Variants in CTNNA2 observed in about 807,000 individuals in gnomAD.
The protein encoded by CTNNA2 is catenin alpha 2, also known as catenin alpha-2.
Under a neutral mutation model 101.0 loss-of-function variants are expected in CTNNA2, and 42 were observed. The ratio of observed to expected loss-of-function variants is 0.42; its 90% CI spans 0.32 to 0.54. CTNNA2 has a LOEUF of 0.54. Ranked by LOEUF, CTNNA2 falls within the 20% of genes least tolerant of loss-of-function variation. The probability of loss-of-function intolerance (pLI) is 0.14; values close to 1 mark genes in which losing one functional copy is unlikely to be tolerated. For missense variants in CTNNA2, 871 were observed against 1,223.1 expected, an observed-to-expected ratio of 0.71 and a Z score of 4.29; for synonymous variants, 450 against 456.4, an observed-to-expected ratio of 0.99 and a Z score of 0.18.
chr2:79,676,297 G>A (rs986378345), intron 2 of CTNNA2, among the ~76,000 whole-genome samples: 1 of 152,176 alleles, frequency 6.6e-6, no homozygotes. Context: ...CCTTCTGTGA[G>A]TGCCAACAGC....
intron 4 of CTNNA2, among the ~76,000 whole-genome samples, chr2:79,479,630 G>A (rs531425723): frequency 1.4e-4 from 22 of 152,106 alleles, no homozygotes; most frequent in African/African-American, 5.1e-4. Flanking sequence ...TGTTGCTATA[G>A]AGGAATACCT....
chr2:79,499,444 T>C (rs1671295437), intron 4 of CTNNA2, among the ~76,000 whole-genome samples: 1 of 152,170 alleles, frequency 6.6e-6, no homozygotes, highest in Non-Finnish European at 1.5e-5. Context: ...GTCACAGCGA[T>C]CTGTTGAAAA....
intron 2 of CTNNA2, among the ~76,000 whole-genome samples, chr2:79,715,365 A>G (rs1461295910): frequency 2.6e-5 from 4 of 152,176 alleles, no homozygotes; most frequent in Non-Finnish European, 2.9e-5. Flanking sequence ...CTTTCTTTAT[A>G]TGGTAGATCT....
chr2:80,504,624 C>T (rs1449625632), intron 9 of CTNNA2, among the ~76,000 whole-genome samples: 1 of 152,134 alleles, frequency 6.6e-6, no homozygotes, highest in East Asian at 1.9e-4. Context: ...ACAGACTCTA[C>T]CACATGGAAC....
At chr2:80,079,575 A>G (rs1698983400) in intron 7 of CTNNA2, among the ~76,000 whole-genome samples, 1 of 152,110 alleles carries the variant, frequency 6.6e-6, no homozygotes, top group African/African-American at 2.4e-5. Context: ...AGTACTTTGG[A>G]GGCTGAGGCG....
intron 9 of CTNNA2, among the ~76,000 whole-genome samples, chr2:80,514,307 C>T (rs779001825): frequency 1.3e-5 from 2 of 152,092 alleles, no homozygotes; most frequent in African/African-American, 2.4e-5. Flanking sequence ...CCTGGCAGCA[C>T]CCAGGTTGGG....
At chr2:79,535,543 A>C (rs1673005012) in intron 1 of CTNNA2, among the ~76,000 whole-genome samples, 1 of 152,098 alleles carries the variant, frequency 6.6e-6, no homozygotes, top group Admixed American at 6.5e-5. Flanking sequence ...AAATTTAGAA[A>C]TTATTATAAG....
intron 7 of CTNNA2, among the ~76,000 whole-genome samples, chr2:80,200,830 G>A (rs1707154522): frequency 6.6e-6 from 1 of 151,572 alleles, no homozygotes; most frequent in Non-Finnish European, 1.5e-5. Flanking sequence ...CACCATGCCT[G>A]GCTGTGAGTG....
chr2:80,565,042 AAATAAT>A (rs1693931843), intron 12 of CTNNA2, among the ~76,000 whole-genome samples: 1 of 152,236 alleles, frequency 6.6e-6, no homozygotes. Flanking sequence ...GATGTAAATT[AAATAAT>A]TAAAGTGGTG....
chr2:80,274,292 G>A (rs1396296985), intron 7 of CTNNA2, among the ~76,000 whole-genome samples: 1 of 152,130 alleles, frequency 6.6e-6, no homozygotes, highest in Non-Finnish European at 1.5e-5. Flanking sequence ...CTGTCCTTTT[G>A]CAAAATCAGA....
intron 15 of CTNNA2, among the ~76,000 whole-genome samples, chr2:80,589,910 G>A (rs1192643759): frequency 7.9e-5 from 12 of 151,954 alleles, no homozygotes; most frequent in Admixed American, 2.0e-4. Flanking sequence ...GTGTGTGCGC[G>A]CGCGCGCATG....
At chr2:79,769,540 C>T (rs1673423387) in intron 3 of CTNNA2, among the ~76,000 whole-genome samples, 1 of 152,186 alleles carries the variant, frequency 6.6e-6, no homozygotes, top group Non-Finnish European at 1.5e-5. Context: ...TTTCATAATC[C>T]TTCCTAATTT....
At chr2:79,817,997 G>A (rs1677668934) in intron 3 of CTNNA2, among the ~76,000 whole-genome samples, 1 of 152,094 alleles carries the variant, frequency 6.6e-6, no homozygotes, top group Non-Finnish European at 1.5e-5. Context: ...CGCATATTGG[G>A]CTTCAATTTT....
chr2:80,647,349 G>A (rs148165617), intron 18 of CTNNA2, among the ~76,000 whole-genome samples: 4 of 140,904 alleles, frequency 2.8e-5, no homozygotes, highest in Admixed American at 2.8e-4. Context: ...AATAATATGA[G>A]ATGTTCTACT....
intron 7 of CTNNA2, among the ~76,000 whole-genome samples, chr2:80,025,266 T>TG (rs1451647307): frequency 6.6e-6 from 1 of 152,194 alleles, no homozygotes; most frequent in Non-Finnish European, 1.5e-5. Context: ...GTTAGGGCCA[T>TG]GGGTCCAGGC....
intron 4 of CTNNA2, among the ~76,000 whole-genome samples, chr2:79,437,515 T>G (rs1678730139): frequency 6.6e-6 from 1 of 152,160 alleles, no homozygotes; most frequent in African/African-American, 2.4e-5. Context: ...TTGTTAGAAA[T>G]GCAGTTCTCA....
chr2:79,982,232 A>ATATATATATATATATATG (rs1691357029), intron 7 of CTNNA2, among the ~76,000 whole-genome samples: 1 of 97,598 alleles, frequency 1.0e-5, no homozygotes, highest in African/African-American at 4.5e-5. Flanking sequence ...ATATATATAT[A>ATATATATATATATATATG]TATATATATG....
At chr2:80,566,408 C>G (rs1694067248) in intron 12 of CTNNA2, among the ~76,000 whole-genome samples, 1 of 152,100 alleles carries the variant, frequency 6.6e-6, no homozygotes, top group Non-Finnish European at 1.5e-5. Flanking sequence ...TCACTGGGGG[C>G]CCTCTCAGAG....
At chr2:79,716,507 G>C (rs1235640506) in intron 2 of CTNNA2, among the ~76,000 whole-genome samples, 1 of 152,112 alleles carries the variant, frequency 6.6e-6, no homozygotes, top group Non-Finnish European at 1.5e-5. Context: ...ATTGTTTGTT[G>C]TCCATGTGTT....
Sources: allele counts gnomAD v4.1 joint callset (sites outside exome capture counted in the v4.1 genomes callset), GRCh38; gene constraint gnomAD v4.1.1; transcripts MANE v1.5; gene names NCBI Gene and HGNC (gene_info 2026-07-23, HGNC 2026-07-21).